The following DLGAP4 variants were observed in gnomAD, a reference collection of about 807,000 sequenced individuals.
DLGAP4 encodes the protein disks large-associated protein 4.
A neutral mutation model predicts 86.9 loss-of-function variants in DLGAP4; 18 were observed. The observed-to-expected ratio is 0.21, with a 90% CI of 0.14 to 0.31. The LOEUF (loss-of-function observed/expected upper bound fraction) is 0.31. DLGAP4 is among the 10% of genes least tolerant of loss of function. DLGAP4 has a pLI of 1.00. For synonymous variants in DLGAP4, 548 were observed against 574.3 expected (o/e 0.95, Z 0.65); for missense variants, 1,085 against 1,362.6 (o/e 0.80, Z 3.21).
At chr20:36,438,707 T>A (rs1246120262) in intron 4 of DLGAP4, among the ~76,000 whole-genome samples, 1 of 139,054 alleles carries the variant, frequency 7.2e-6, no homozygotes, top group Non-Finnish European at 1.6e-5. Context: ...CCCCATCTTT[T>A]TTTTTTTTTT....
chr20:36,398,214 G>T (rs538045156), intron 2 of DLGAP4, among the ~76,000 whole-genome samples: 2 of 152,300 alleles, frequency 1.3e-5, no homozygotes, highest in East Asian at 3.9e-4. Context: ...TGACAATTCT[G>T]GTGTGTTAGA....
At chr20:36,368,494 C>T (rs771170773) in intron 2 of DLGAP4, among the ~76,000 whole-genome samples, 11 of 152,218 alleles carry the variant, frequency 7.2e-5, no homozygotes, top group Non-Finnish European at 1.5e-4. Flanking sequence ...GCTGGGGTGG[C>T]GCCAGCCTTA....
chr20:36,427,378 T>G (rs1275713279), intron 2 of DLGAP4, among the ~76,000 whole-genome samples: 1 of 151,864 alleles, frequency 6.6e-6, no homozygotes, highest in Admixed American at 6.6e-5. Context: ...CTCAGGAGGT[T>G]GAGGCAGGAG....
Position 36,428,299 on chromosome 20 carries a change from G to A in DLGAP4, c.-72-3347G>A, listed in dbSNP as rs75444549. Reference sequence around the variant, plus strand: ...AAAATTCAGTTTCCCAGTCGCACTAGCTGCATGTCAAGTGCTCTGTGGCCC... The same window carrying A: ...AAAATTCAGTTTCCCAGTCGCACTAACTGCATGTCAAGTGCTCTGTGGCCC... On this transcript the variant is annotated intron_variant, in intron 2 of 12. Transcript: ENST00000339266. 4.1e-3 allele frequency among the ~76,000 whole-genome samples: 625 copies of A among 152,322 alleles called. 27 individuals are homozygous for A. The East Asian group carries it at 0.087, about 21-fold the overall frequency.
At chr20:36,342,323 G>A (rs1407577481) in intron 1 of DLGAP4, among the ~76,000 whole-genome samples, 3 of 152,214 alleles carry the variant, frequency 2.0e-5, no homozygotes, top group Admixed American at 6.5e-5. Context: ...AAGGGATAAC[G>A]GGAGTGCTTG....
At chr20:36,421,570 G>C (rs749257019) in intron 2 of DLGAP4, among the ~76,000 whole-genome samples, 1 of 152,098 alleles carries the variant, frequency 6.6e-6, no homozygotes, top group Non-Finnish European at 1.5e-5. Flanking sequence ...CTGGGGCAGG[G>C]CTGTGGAGGT....
At chr20:36,317,138 A>T (rs2065107390) in intron 1 of DLGAP4, among the ~76,000 whole-genome samples, 1 of 152,078 alleles carries the variant, frequency 6.6e-6, no homozygotes, top group African/African-American at 2.4e-5. Context: ...CCTCCAAGGA[A>T]GCTACTATGA....
intron 2 of DLGAP4, among the ~76,000 whole-genome samples, chr20:36,383,341 T>C (rs1001004300): frequency 1.3e-5 from 2 of 152,194 alleles, no homozygotes; most frequent in African/African-American, 4.8e-5. Context: ...GGATGAGTGA[T>C]GGAGTGGGAC....
chr20:36,410,122 A>G (rs967582425), intron 2 of DLGAP4, among the ~76,000 whole-genome samples: 10 of 151,896 alleles, frequency 6.6e-5, no homozygotes, highest in African/African-American at 2.4e-4. Flanking sequence ...TTCCACTGAT[A>G]GGCAAATACG....
chr20:36,333,975 C>T (rs2065295765), intron 1 of DLGAP4, among the ~76,000 whole-genome samples: 1 of 152,264 alleles, frequency 6.6e-6, no homozygotes, highest in Non-Finnish European at 1.5e-5. Context: ...CCCAGCGACC[C>T]ACAACCCACA....
intron 2 of DLGAP4, among the ~76,000 whole-genome samples, chr20:36,398,317 G>A (rs918063688): frequency 6.6e-6 from 1 of 152,178 alleles, no homozygotes; most frequent in Non-Finnish European, 1.5e-5. Context: ...ACTTAAAGAT[G>A]TAAGTGTTAG....
rs183715467 is a variant in DLGAP4, at chr20:36,494,826, G to T, written c.1649-1879G>T. ...CTGTTCTCTAGGTCATTTCAAGAATGTTATAGGCCAGGCACAGTGGCTCAC... is the reference window on the plus strand; with the variant it reads ...CTGTTCTCTAGGTCATTTCAAGAATTTTATAGGCCAGGCACAGTGGCTCAC... On this transcript the variant is annotated intron_variant, in intron 7 of 12. Coordinates refer to ENST00000339266, the MANE Select transcript of DLGAP4 (RefSeq NM_001365621.2). Among the ~76,000 whole-genome samples, 3 of 152,078 alleles carry T rather than the reference G, an allele frequency of 2.0e-5. No homozygotes were observed. The East Asian group carries it at 5.8e-4, about 29-fold the overall frequency.
At chr20:36,509,949 C>T (rs1412794114) in intron 10 of DLGAP4, among the ~76,000 whole-genome samples, 2 of 152,100 alleles carry the variant, frequency 1.3e-5, no homozygotes, top group South Asian at 2.1e-4. Flanking sequence ...CTCTGCCTCC[C>T]GGGTTCAAGC....
chr20:36,425,927 T>C (rs1329179340), intron 2 of DLGAP4, among the ~76,000 whole-genome samples: 3 of 152,204 alleles, frequency 2.0e-5, no homozygotes, highest in Admixed American at 6.6e-5. Flanking sequence ...AAACAGATAC[T>C]TGGACACCAT....
chr20:36,499,354 A>ACC (rs2147774347), intron 8 of DLGAP4: 4 of 1,072,038 alleles, frequency 3.7e-6, no homozygotes, highest in South Asian at 1.8e-5. Context: ...ACCCCATCCC[A>ACC]CCTCCCGCCC....
chr20:36,470,917 A>T (rs745764543), intron 7 of DLGAP4, among the ~76,000 whole-genome samples: 2 of 152,172 alleles, frequency 1.3e-5, no homozygotes, highest in South Asian at 4.1e-4. Flanking sequence ...TTGCTGCTGT[A>T]AACAGTGCTG....
At chr20:36,347,908 G>T (rs1407351281) in intron 1 of DLGAP4, among the ~76,000 whole-genome samples, 1 of 151,798 alleles carries the variant, frequency 6.6e-6, no homozygotes, top group African/African-American at 2.4e-5. Flanking sequence ...GGCCTAATTG[G>T]TGTCTCCACG....
chr20:36,441,625 G>A (rs1233774817), intron 5 of DLGAP4, among the ~76,000 whole-genome samples: 1 of 152,156 alleles, frequency 6.6e-6, no homozygotes, highest in Admixed American at 6.5e-5. Flanking sequence ...GCCTGGCACA[G>A]GGCAGATGCT....
Position 36,500,171 on chromosome 20 carries a change from C to T in DLGAP4, c.2100-28C>T, listed in dbSNP as rs1569520653. The T allele has an allele frequency of 2.6e-6, 4 of 1,516,248 alleles. No individual in the cohort carries two copies. In the African/African-American group the frequency reaches 5.6e-5, roughly 21 times the overall value. 93.9% of individuals were successfully genotyped at this position (1,516,248 alleles called of 1,614,324 possible). A position where few individuals can be genotyped will look rare whatever the true frequency, so the allele number is the denominator to read the frequency against. On this transcript the variant is annotated intron_variant, in intron 9 of 12. Transcript: ENST00000339266. This position sits in a 1 kb window ranked among gnomAD's most constrained non-coding sequence, Gnocchi z 4.6. ...CTCTTGGTGACTCACTCCTTCCTGTCCCCACCCCATCCACCCCCTACCCAC... is the reference window on the plus strand; with the variant it reads ...CTCTTGGTGACTCACTCCTTCCTGTTCCCACCCCATCCACCCCCTACCCAC...
Sources: allele counts gnomAD v4.1 joint callset (sites outside exome capture counted in the v4.1 genomes callset), GRCh38; gene constraint gnomAD v4.1.1; non-coding constraint Gnocchi (gnomAD v3.1); transcripts MANE v1.5; gene names NCBI Gene and HGNC (gene_info 2026-07-23, HGNC 2026-07-21).